Variants in ZNF695 observed in about 807,000 individuals in gnomAD.
ZNF695 encodes zinc finger protein 695.
Under a neutral mutation model 11.2 loss-of-function variants are expected in ZNF695, and 11 were observed. That is an observed-to-expected ratio of 0.98 (90% CI 0.62 to 1.62). The LOEUF is 1.62. Among genes scored for constraint, ZNF695 ranks in the 40% most tolerant of loss-of-function variants. The pLI is 0.00. For synonymous variants in ZNF695, 190 were observed against 201.4 expected (o/e 0.94, Z 0.48); for missense variants, 559 against 590.5 (o/e 0.95, Z 0.55).
At chr1:246,948,671 G>A (rs924107389) in intron 5 of ZNF695, among the ~76,000 whole-genome samples, 6 of 152,188 alleles carry the variant, frequency 3.9e-5, no homozygotes, top group African/African-American at 1.2e-4. Context: ...TGTCTGGCAC[G>A]ATGTGTGTAC....
downstream of ZNF695, among the ~76,000 whole-genome samples, chr1:246,984,717 G>C (rs1450190386): frequency 1.3e-5 from 2 of 152,132 alleles, no homozygotes; most frequent in East Asian, 3.9e-4. Flanking sequence ...GGCTCGAATA[G>C]TGTTCTCTAA....
intron 4 of ZNF695, among the ~76,000 whole-genome samples, chr1:246,979,314 C>T (rs1047993813): frequency 6.6e-6 from 1 of 151,990 alleles, no homozygotes; most frequent in African/African-American, 2.4e-5. Flanking sequence ...GTGGTGACAA[C>T]GGAGGTTTGA....
At chr1:246,989,134 G>A (rs576929756) in intron 3 of ZNF695, among the ~76,000 whole-genome samples, 33 of 150,354 alleles carry the variant, frequency 2.2e-4, no homozygotes, top group Non-Finnish European at 2.5e-4. Flanking sequence ...GCGTGGTGGC[G>A]CATGCCTGTA....
intron 5 of ZNF695, among the ~76,000 whole-genome samples, chr1:246,946,394 T>C (rs553117070): frequency 1.3e-5 from 2 of 152,378 alleles, no homozygotes; most frequent in South Asian, 4.1e-4. Flanking sequence ...TTCTCAATTC[T>C]TATGCGGTCT....
At position 246,973,694 on chromosome 1, in the gene ZNF695, GC is replaced by G. The variant is rs1362779737; in HGVS notation, c.391-5903del. ...ATTCGTACACAATTATCTTGTTTAA[GC>G]CTCATAACAACTTGAAAAAGGCATC... On this transcript the variant is annotated intron_variant, in intron 4 of 5. Coordinates refer to the ZNF695 transcript ENST00000487338. Among the ~76,000 whole-genome samples, 3 of 152,282 alleles carry G rather than the reference GC, an allele frequency of 2.0e-5. No homozygotes were observed. In the East Asian group the frequency reaches 5.8e-4, roughly 29 times the overall value.
chr1:246,976,249 G>T (rs1668555436), intron 4 of ZNF695, among the ~76,000 whole-genome samples: 1 of 152,030 alleles, frequency 6.6e-6, no homozygotes, highest in Admixed American at 6.6e-5. Context: ...TCCACATGGG[G>T]GACAGAACAC....
intron 4 of ZNF695, among the ~76,000 whole-genome samples, chr1:246,971,388 C>T (rs1047931446): frequency 3.9e-5 from 6 of 152,172 alleles, no homozygotes; most frequent in African/African-American, 1.2e-4. Flanking sequence ...GTCAGGCCTC[C>T]GGATAGCTGT....
At chr1:247,007,868 C>T (rs375127446) in intron 1 of ZNF695, 38 bp downstream of exon 1, 15 of 1,538,268 alleles carry the variant, frequency 9.8e-6, no homozygotes, top group Non-Finnish European at 1.2e-5. Flanking sequence ...CCAACCACCC[C>T]CTCTCCCTTC....
chr1:246,975,173 T>A (rs1404291020), intron 4 of ZNF695, among the ~76,000 whole-genome samples: 1 of 152,232 alleles, frequency 6.6e-6, no homozygotes, highest in Non-Finnish European at 1.5e-5. Flanking sequence ...ATATTGTCAT[T>A]CACCATATAA....
intron 5 of ZNF695, among the ~76,000 whole-genome samples, chr1:246,961,936 C>T (rs1264682152): frequency 6.6e-6 from 1 of 152,210 alleles, no homozygotes; most frequent in Admixed American, 6.5e-5. Flanking sequence ...AGAGGCACCT[C>T]AATGGCACTG....
chr1:246,966,335 G>C (rs929250971), intron 5 of ZNF695, among the ~76,000 whole-genome samples: 8 of 152,084 alleles, frequency 5.3e-5, no homozygotes, highest in Non-Finnish European at 1.5e-5. Context: ...CTAAATATTA[G>C]CTGGACATGG....
intron 5 of ZNF695, among the ~76,000 whole-genome samples, chr1:246,961,412 C>A (rs115484921): frequency 0.021 from 3,249 of 152,272 alleles, 69 homozygotes; most frequent in African/African-American, 0.055. Context: ...CCCACAGTGC[C>A]TGTTCTTAAA....
chr1:246,945,868 G>C, intron 5 of ZNF695: 1 of 1,549,416 alleles, frequency 6.5e-7, no homozygotes, highest in South Asian at 1.2e-5. Context: ...AAGGTTCCGA[G>C]TAGCTCCTTG....
At chr1:246,982,206 G>A (rs1008046336), downstream of ZNF695, among the ~76,000 whole-genome samples, 5 of 149,932 alleles carry the variant, frequency 3.3e-5, no homozygotes, top group African/African-American at 1.2e-4. Flanking sequence ...GGAGGCGGAG[G>A]TTGCGGTGAG....
At chr1:247,002,675 T>A (rs1291221728) in intron 1 of ZNF695, among the ~76,000 whole-genome samples, 1 of 151,630 alleles carries the variant, frequency 6.6e-6, no homozygotes, top group East Asian at 1.9e-4. Flanking sequence ...GATCCCAGCT[T>A]GGGAAGCTGA....
chr1:246,972,070 G>C (rs1668442095), intron 4 of ZNF695, among the ~76,000 whole-genome samples: 1 of 152,190 alleles, frequency 6.6e-6, no homozygotes, highest in Non-Finnish European at 1.5e-5. Context: ...GGGCCTGCTG[G>C]TTTATTTAAA....
rs534071025 is a variant in ZNF695, at chr1:246,966,917, T to C, written c.488+778A>G. On this transcript the variant is annotated intron_variant, in intron 5 of 5. Coordinates refer to the ZNF695 transcript ENST00000487338. ...ACAGAGGAGTTACATATTAAATAAA[T>C]CATATTAAATGTTACTTTTTTTGTT... 105 of 442,880 alleles carry C rather than the reference T, an allele frequency of 2.4e-4. 1 individual carries two copies. The highest frequency in any genetic ancestry group is 1.7e-3 in the South Asian group (103 of 61,956). The allele number at this position is 442,880 out of a possible 1,614,324, so 27.4% of individuals were successfully genotyped here.
At chr1:246,984,152 C>CAAAA (rs11321674), downstream of ZNF695, among the ~76,000 whole-genome samples, 48 of 91,618 alleles carry the variant, frequency 5.2e-4, no homozygotes, top group African/African-American at 1.6e-3. Context: ...ACCATGTCTC[C>CAAAA]AAAAAAAAAA....
At chr1:247,002,801 C>A (rs34183990) in intron 1 of ZNF695, among the ~76,000 whole-genome samples, 1 of 149,918 alleles carries the variant, frequency 6.7e-6, no homozygotes, top group Non-Finnish European at 1.5e-5. Context: ...AAGGGGGGGG[C>A]AGCAAAGGAC....
Sources: gnomAD v4.1 joint callset for allele counts (sites outside exome capture counted in the v4.1 genomes callset) on GRCh38, gnomAD v4.1.1 for gene constraint, MANE v1.5 for transcripts, NCBI Gene and HGNC (gene_info 2026-07-23, HGNC 2026-07-21) for gene names.